The following IPMK variants were observed in gnomAD, a reference collection of about 807,000 sequenced individuals.
The protein encoded by IPMK is inositol polyphosphate multikinase.
A neutral mutation model predicts 45.8 loss-of-function variants in IPMK; 17 were observed. The observed-to-expected ratio is 0.37, with a 90% confidence interval of 0.25 to 0.56. IPMK has a LOEUF of 0.56. Ranked by LOEUF, IPMK falls within the 20% of genes least tolerant of loss-of-function variation. IPMK has a pLI of 0.79. For missense variants in IPMK, 399 were observed against 498.0 expected (o/e 0.80, Z 1.89); for synonymous variants, 180 against 184.3 (o/e 0.98, Z 0.19).
intron 1 of IPMK, among the ~76,000 whole-genome samples, chr10:58,249,219 T>C (rs1381326190): frequency 1.3e-5 from 2 of 152,190 alleles, no homozygotes; most frequent in African/African-American, 4.8e-5. Context: ...TAAAAAGATG[T>C]ATATGTTGTT....
chr10:58,237,085 A>C (rs952399006), intron 2 of IPMK, among the ~76,000 whole-genome samples: 2 of 152,166 alleles, frequency 1.3e-5, no homozygotes, highest in Admixed American at 6.5e-5. Context: ...CAAAAAAGAA[A>C]AAATCAAACT....
chr10:58,253,186 G>C (rs1000432632), intron 1 of IPMK, among the ~76,000 whole-genome samples: 4 of 152,132 alleles, frequency 2.6e-5, no homozygotes. Context: ...TGTCTTGCCT[G>C]CCGCTATGTA....
intron 3 of IPMK, among the ~76,000 whole-genome samples, chr10:58,218,678 C>G (rs1028574232): frequency 2.6e-5 from 4 of 152,136 alleles, no homozygotes; most frequent in South Asian, 4.1e-4. Context: ...GTCACAGCAT[C>G]TATATCTCAC....
chr10:58,235,363 A>T (rs1838594070), intron 2 of IPMK, among the ~76,000 whole-genome samples: 1 of 152,254 alleles, frequency 6.6e-6, no homozygotes, highest in South Asian at 2.1e-4. Flanking sequence ...AGATACATGT[A>T]GACGTATGTT....
chr10:58,220,785 C>A (rs905531175), intron 3 of IPMK, among the ~76,000 whole-genome samples: 26 of 152,110 alleles, frequency 1.7e-4, no homozygotes, highest in African/African-American at 6.0e-4. Context: ...GAGTTGAAAT[C>A]GCATTACACT....
rs11393849 is a variant in IPMK, at chr10:58,217,688, C to CAAAAAA, written c.374-1377_374-1372dup. ...GGGCAACAAGAGCAAAACTCCATCTCAAAAAAAAAAAAAAAAAAAAAGAAT... is the reference window on the plus strand; with the variant it reads ...GGGCAACAAGAGCAAAACTCCATCTCAAAAAAAAAAAAAAAAAAAAAAAAAAAGAAT... On this transcript the variant is annotated intron_variant, in intron 3 of 5. Transcript: ENST00000373935. Among the ~76,000 whole-genome samples the CAAAAAA allele has an allele frequency of 3.2e-3, 158 of 49,208 alleles. 7 individuals are homozygous for CAAAAAA. Among genetic ancestry groups the CAAAAAA allele is most frequent in the African/African-American group, 9.3e-3 (99 of 10,646 alleles). 32.3% of individuals were successfully genotyped at this position (49,208 alleles called of 152,430 possible).
intron 1 of IPMK, among the ~76,000 whole-genome samples, chr10:58,266,570 G>A (rs1839150545): frequency 6.6e-6 from 1 of 152,072 alleles, no homozygotes; most frequent in Non-Finnish European, 1.5e-5. Flanking sequence ...GTCTCTAGTG[G>A]CTCTTCCGGG....
Position 58,249,578 on chromosome 10 carries a change from G to T in IPMK, c.191-11764C>A, listed in dbSNP as rs370908262. ...TTGGATTATTTTTGCTGTTGAGTTG[G>T]TTCTTTATACATTCTGCTTATTAAT... On this transcript the variant is annotated intron_variant, in intron 1 of 5. Coordinates refer to ENST00000373935, the MANE Select transcript of IPMK (RefSeq NM_152230.5). Among the ~76,000 whole-genome samples the T allele has an allele frequency of 1.6e-3, 248 of 152,212 alleles. 1 individual carries two copies. The highest frequency in any genetic ancestry group is 5.8e-3 in the African/African-American group (242 of 41,536).
chr10:58,242,395 G>T (rs1227302974), intron 1 of IPMK, among the ~76,000 whole-genome samples: 1 of 151,578 alleles, frequency 6.6e-6, no homozygotes, highest in Non-Finnish European at 1.5e-5. Context: ...AGGCGGTAGG[G>T]GTTGCAGCGA....
chr10:58,236,617 T>C (rs1838616386), intron 2 of IPMK, among the ~76,000 whole-genome samples: 1 of 152,098 alleles, frequency 6.6e-6, no homozygotes, highest in African/African-American at 2.4e-5. Context: ...TTCTGAAAAC[T>C]AGAAGGGCCA....
intron 4 of IPMK, among the ~76,000 whole-genome samples, chr10:58,210,056 G>A (rs1255826851): frequency 6.6e-6 from 1 of 152,262 alleles, no homozygotes; most frequent in East Asian, 1.9e-4. Flanking sequence ...GGTGGGGGCA[G>A]GGTTAGGCAG....
intron 1 of IPMK, 152 bp downstream of exon 1, chr10:58,267,270 C>A: frequency 1.4e-6 from 1 of 719,982 alleles, no homozygotes; most frequent in African/African-American, 1.8e-5. Flanking sequence ...GCTCGAGTGG[C>A]GAGGCTTCGG....
At chr10:58,214,878 T>C (rs565169216) in intron 4 of IPMK, among the ~76,000 whole-genome samples, 2 of 152,322 alleles carry the variant, frequency 1.3e-5, no homozygotes, top group African/African-American at 4.8e-5. Flanking sequence ...CTCAACAAAA[T>C]TCTCCTCACC....
At chr10:58,251,664 T>C (rs908105714) in intron 1 of IPMK, among the ~76,000 whole-genome samples, 2 of 152,206 alleles carry the variant, frequency 1.3e-5, no homozygotes, top group African/African-American at 4.8e-5. Context: ...TCCTCCAGTG[T>C]TGAGTACATA....
chr10:58,213,889 T>C (rs1838205161), intron 4 of IPMK, among the ~76,000 whole-genome samples: 1 of 152,094 alleles, frequency 6.6e-6, no homozygotes, highest in Non-Finnish European at 1.5e-5. Flanking sequence ...AGTGGCATGG[T>C]GGTGCTTAAT....
intron 2 of IPMK, among the ~76,000 whole-genome samples, chr10:58,233,934 A>T (rs1838568429): frequency 6.6e-6 from 1 of 152,208 alleles, no homozygotes; most frequent in South Asian, 2.1e-4. Flanking sequence ...GTCTCAGCCC[A>T]AAATCTTAAG....
At chr10:58,201,146 AG>A (rs1300139487) in intron 4 of IPMK, among the ~76,000 whole-genome samples, 5 of 152,218 alleles carry the variant, frequency 3.3e-5, no homozygotes, top group Non-Finnish European at 7.3e-5. Context: ...TATCTCTGGA[AG>A]GGTATATAGA....
intron 5 of IPMK, among the ~76,000 whole-genome samples, 181 bp from the exon 6 acceptor site, chr10:58,196,879 T>C (rs2132140524): frequency 6.6e-6 from 1 of 152,338 alleles, no homozygotes; most frequent in Middle Eastern, 3.4e-3. Context: ...GCTTGATTTT[T>C]GGTGAAGATG....
rs1401626453 is a variant in IPMK at position 58,192,507 on chromosome 10, T to G, written c.*3569A>C. 1.3e-5 allele frequency: 2 copies of G among 152,066 alleles called. No individual in the cohort carries two copies. Among genetic ancestry groups the G allele is most frequent in the African/African-American group, 4.8e-5 (2 of 41,456 alleles). 9.4% of individuals were successfully genotyped at this position (152,066 alleles called of 1,614,324 possible). A position where few individuals can be genotyped will look rare whatever the true frequency, so the allele number is the denominator to read the frequency against. ...TATTACTTCTAACTTCAACTATTGT[T>G]AGATGCTTCATTTCAACCCCACACT... On this transcript the variant is annotated 3_prime_UTR_variant, in exon 6 of 6. Transcript: ENST00000373935.
Sources: allele counts gnomAD v4.1 joint callset (sites outside exome capture counted in the v4.1 genomes callset), GRCh38; gene constraint gnomAD v4.1.1; transcripts MANE v1.5; gene names NCBI Gene and HGNC (gene_info 2026-07-23, HGNC 2026-07-21).